Variants in COL4A1 observed in about 807,000 individuals in gnomAD.
The protein encoded by COL4A1 is collagen type IV alpha 1 chain, also known as collagen alpha-1(IV) chain.
A neutral mutation model predicts 216.6 loss-of-function variants in COL4A1; 40 were observed. That is an observed-to-expected ratio of 0.18 (90% CI 0.14 to 0.24). The LOEUF (loss-of-function observed/expected upper bound fraction) is 0.24, where lower values mean the gene tolerates loss of function less well. Among genes scored for constraint, COL4A1 ranks in the 10% least tolerant of loss-of-function variants. The probability of loss-of-function intolerance (pLI) is 1.00; values close to 1 mark genes in which losing one functional copy is unlikely to be tolerated. For missense variants in COL4A1, 1,628 were observed against 2,196.8 expected (o/e 0.74, Z 5.18); for synonymous variants, 839 against 810.7 (o/e 1.03, Z -0.59).
At chr13:110,159,456 C>T (rs2138425458) in intron 49 of COL4A1, among the ~76,000 whole-genome samples, 1 of 152,314 alleles carries the variant, frequency 6.6e-6, no homozygotes, top group Admixed American at 6.5e-5. Context: ...GAAAACAACG[C>T]ATGCTGGTGA....
intron 2 of COL4A1, among the ~76,000 whole-genome samples, chr13:110,224,586 G>A (rs1880651951): frequency 6.6e-6 from 1 of 152,206 alleles, no homozygotes; most frequent in Non-Finnish European, 1.5e-5. Context: ...GCCTCCCAAA[G>A]TGCTGGTATT....
chr13:110,290,763 G>A (rs1264682087), intron 1 of COL4A1, among the ~76,000 whole-genome samples: 2 of 152,228 alleles, frequency 1.3e-5, no homozygotes, highest in Non-Finnish European at 2.9e-5. Context: ...AAGGAACAAA[G>A]AAATCTATAA....
chr13:110,241,736 T>C (rs986001849), intron 2 of COL4A1, among the ~76,000 whole-genome samples: 2 of 152,144 alleles, frequency 1.3e-5, no homozygotes, highest in Non-Finnish European at 2.9e-5. Flanking sequence ...TTTCAGCAAA[T>C]AGTCAAAAAG....
intron 51 of COL4A1, among the ~76,000 whole-genome samples, chr13:110,150,926 G>A (rs1302203912): frequency 6.6e-6 from 1 of 152,184 alleles, no homozygotes; most frequent in African/African-American, 2.4e-5. Context: ...TAAATCTGGA[G>A]TAATTCCCTA....
At chr13:110,274,975 G>A (rs1259442580) in intron 1 of COL4A1, among the ~76,000 whole-genome samples, 1 of 152,158 alleles carries the variant, frequency 6.6e-6, no homozygotes, top group Non-Finnish European at 1.5e-5. Flanking sequence ...GCTCGCAGCC[G>A]TCACCTTCCG....
chr13:110,202,233 A>G (rs1594576732), intron 18 of COL4A1, among the ~76,000 whole-genome samples: 1 of 143,270 alleles, frequency 7.0e-6, no homozygotes, highest in Non-Finnish European at 1.5e-5. Context: ...TGAGAGGAAC[A>G]CTCTTAAAAA....
chr13:110,174,025 C>T (rs770194812), intron 39 of COL4A1, 27 bp from the exon 40 acceptor site: 10 of 1,611,458 alleles, frequency 6.2e-6, no homozygotes, highest in Non-Finnish European at 7.6e-6. Context: ...ACATCAGACA[C>T]CCGCATAACC....
intron 30 of COL4A1, 36 bp downstream of exon 30, chr13:110,179,229 TCCTGTC>T: frequency 6.2e-7 from 1 of 1,612,842 alleles, no homozygotes; most frequent in South Asian, 1.1e-5. Context: ...AATAAGCACA[TCCTGTC>T]CTCGAAACCC....
At chr13:110,172,356 GC>G (rs1441696478) in intron 41 of COL4A1, among the ~76,000 whole-genome samples, 1 of 152,238 alleles carries the variant, frequency 6.6e-6, no homozygotes, top group Non-Finnish European at 1.5e-5. Flanking sequence ...CGTGGTGTGT[GC>G]TACATACTGT....
chr13:110,159,297 C>A (rs192148741), intron 49 of COL4A1, among the ~76,000 whole-genome samples: 1 of 152,134 alleles, frequency 6.6e-6, no homozygotes, highest in Admixed American at 6.5e-5. Context: ...TATTGTATAA[C>A]TTTTTATGTA....
intron 24 of COL4A1, among the ~76,000 whole-genome samples, chr13:110,189,158 G>A (rs1878524630): frequency 3.3e-5 from 5 of 152,346 alleles, no homozygotes. Flanking sequence ...CCGCCTCTCA[G>A]GTTCAAGAGA....
chr13:110,244,310 G>A (rs1315731715), intron 1 of COL4A1, among the ~76,000 whole-genome samples: 2 of 152,112 alleles, frequency 1.3e-5, no homozygotes, highest in African/African-American at 4.8e-5. Flanking sequence ...TTTATATTTT[G>A]GAAATGGGGA....
chr13:110,219,672 ATATATG>A (rs1439170552), intron 2 of COL4A1, among the ~76,000 whole-genome samples: 1 of 77,690 alleles, frequency 1.3e-5, no homozygotes, highest in African/African-American at 4.4e-5. Flanking sequence ...GTATATATAT[ATATATG>A]TGTATATATA....
chr13:110,249,599 C>T lies in COL4A1; in HGVS notation c.85-6865G>A, dbSNP rs568961561. Among the ~76,000 whole-genome samples, 4 of 152,284 alleles carry T rather than the reference C, an allele frequency of 2.6e-5. No individual in the cohort carries two copies. In the South Asian group the frequency reaches 8.3e-4, roughly 32 times the overall value. ...CCTGGTTACTCGTGAGGGCTACTGA[C>T]TAGAAGAGGACTCCAGGGACTTCGT... On this transcript the variant is annotated intron_variant, in intron 1 of 51. Transcript: ENST00000375820.
chr13:110,190,287 G>C (rs1258271720), intron 24 of COL4A1, among the ~76,000 whole-genome samples: 1 of 152,020 alleles, frequency 6.6e-6, no homozygotes, highest in Non-Finnish European at 1.5e-5. Context: ...AAATGCTGAG[G>C]ATTCAACTAC....
At chr13:110,252,403 CAT>C (rs753893972) in intron 1 of COL4A1, among the ~76,000 whole-genome samples, 23 of 149,176 alleles carry the variant, frequency 1.5e-4, no homozygotes, top group South Asian at 1.3e-3. Flanking sequence ...TGTTTCTACA[CAT>C]AGTTATATGT....
chr13:110,183,476 T>C (rs942308389), intron 26 of COL4A1, among the ~76,000 whole-genome samples, 200 bp from the exon 27 acceptor site: 4 of 152,158 alleles, frequency 2.6e-5, no homozygotes, highest in African/African-American at 7.2e-5. Context: ...CTTCTCCCCA[T>C]GCGTTTGCAT....
chr13:110,154,938 G>A (rs1043160535), intron 50 of COL4A1, among the ~76,000 whole-genome samples: 8 of 152,278 alleles, frequency 5.3e-5, no homozygotes, highest in Non-Finnish European at 1.0e-4. Context: ...GTTGTATAGA[G>A]AAGCTGTTCA....
chr13:110,300,212 T>C (rs1274660168), intron 1 of COL4A1, among the ~76,000 whole-genome samples: 2 of 152,174 alleles, frequency 1.3e-5, no homozygotes, highest in African/African-American at 4.8e-5. Context: ...AGAGAACAAA[T>C]ACTGACCTAG....
Sources: gnomAD v4.1 joint callset for allele counts (sites outside exome capture counted in the v4.1 genomes callset) on GRCh38, gnomAD v4.1.1 for gene constraint, MANE v1.5 for transcripts, NCBI Gene and HGNC (gene_info 2026-07-23, HGNC 2026-07-21) for gene names.